The following LRRIQ1 variants were observed in gnomAD, a reference collection of about 807,000 sequenced individuals.
The protein encoded by LRRIQ1 is leucine rich repeats and IQ motif containing 1, also known as leucine-rich repeat- and IQ domain-containing protein 1.
In LRRIQ1, 210 loss-of-function variants were observed where a neutral mutation model predicts 211.9. That is an observed-to-expected ratio of 0.99 (90% CI 0.89 to 1.11). The LOEUF is 1.11. LRRIQ1 is among the 50% of genes most tolerant of loss of function. The probability of loss-of-function intolerance (pLI) is 0.00; values close to 1 mark genes in which losing one functional copy is unlikely to be tolerated. For synonymous variants in LRRIQ1, 699 were observed against 650.1 expected, an observed-to-expected ratio of 1.08 and a Z score of -1.14; for missense variants, 2,136 against 1,939.5, an observed-to-expected ratio of 1.10 and a Z score of -1.90.
chr12:85,044,744 AATC>A lies in LRRIQ1; in HGVS notation c.274_276del (p.His92del). 1 of 1,565,826 alleles carries A rather than the reference AATC, an allele frequency of 6.4e-7. No homozygotes were observed. On this transcript the variant is annotated inframe_deletion, in exon 4 of 27. Coordinates refer to ENST00000393217, the MANE Select transcript of LRRIQ1 (RefSeq NM_001079910.2). ...CTGTAGTTATGGAGCAGTTTCTAAT[AATC>A]ATATGCATTTAAGAACAGGACTATC...
At chr12:85,166,011 C>G (rs1891140413) in intron 24 of LRRIQ1, among the ~76,000 whole-genome samples, 1 of 152,040 alleles carries the variant, frequency 6.6e-6, no homozygotes, top group Non-Finnish European at 1.5e-5. Context: ...TTTGAGAAAT[C>G]TCCCACATTT....
At position 85,127,872 on chromosome 12, in the gene LRRIQ1, C is replaced by G; in HGVS notation, c.4048C>G (p.Leu1350Val). ...AATCCAGTCATACTGGCGTGGTTAC[C>G]TCATGCGCAGACAGACTCATTTCTC... ...VVIQSYWRGY[L>V]MRRQTHFSTR... Residue 1350 changes from leucine to valine, a missense_variant, in exon 18 of 27, where the codon CTC (leucine) becomes GTC (valine). Coordinates refer to ENST00000393217, the MANE Select transcript of LRRIQ1 (RefSeq NM_001079910.2). The G allele has an allele frequency of 6.2e-7, 1 of 1,613,888 alleles. No homozygotes were observed. The highest frequency in any genetic ancestry group is 1.1e-5 in the South Asian group (1 of 91,070).
chr12:85,154,305 C>T (rs542068327), intron 23 of LRRIQ1, among the ~76,000 whole-genome samples: 53 of 145,922 alleles, frequency 3.6e-4, no homozygotes, highest in African/African-American at 1.2e-3. Flanking sequence ...TTTACTTTTT[C>T]GGCTCTTTCT....
intron 11 of LRRIQ1, among the ~76,000 whole-genome samples, chr12:85,082,831 C>T (rs1291341811): frequency 2.0e-5 from 3 of 151,674 alleles, no homozygotes; most frequent in Non-Finnish European, 2.9e-5. Flanking sequence ...TTTTATTTGC[C>T]CTGGAACATA....
At chr12:85,123,592 G>T (rs1368127169) in intron 16 of LRRIQ1, among the ~76,000 whole-genome samples, 3 of 152,046 alleles carry the variant, frequency 2.0e-5, no homozygotes, top group African/African-American at 7.2e-5. Flanking sequence ...CTTTGCAATA[G>T]ATTATTATTT....
chr12:85,185,318 A>G (rs1014191061), intron 24 of LRRIQ1, among the ~76,000 whole-genome samples: 4 of 151,876 alleles, frequency 2.6e-5, no homozygotes, highest in African/African-American at 9.7e-5. Context: ...GTGTATATGT[A>G]TGTGTCTAAT....
intron 13 of LRRIQ1, among the ~76,000 whole-genome samples, chr12:85,103,046 C>G (rs1330551496): frequency 2.1e-5 from 3 of 144,440 alleles, no homozygotes; most frequent in Non-Finnish European, 4.5e-5. Context: ...CATTTAATTT[C>G]CAAATAGCTA....
At chr12:85,075,005 G>A in intron 11 of LRRIQ1, among the ~76,000 whole-genome samples, 1 of 151,406 alleles carries the variant, frequency 6.6e-6, no homozygotes, top group Non-Finnish European at 1.5e-5. Flanking sequence ...ATCCATATTT[G>A]AAAAAAGTTA....
intron 15 of LRRIQ1, among the ~76,000 whole-genome samples, chr12:85,110,973 A>G (rs966991776): frequency 6.6e-6 from 1 of 152,116 alleles, no homozygotes; most frequent in Non-Finnish European, 1.5e-5. Flanking sequence ...CATTTTAGAG[A>G]GGTATTTACA....
At position 85,106,567 on chromosome 12, in the gene LRRIQ1, A is replaced by G. The variant is rs753768157; in HGVS notation, c.3329A>G (p.His1110Arg). ...TGGTTTGATGCATGCTATTCTCTCCATGAATTGTCTCTTACTGGAAACCCA... is the reference window on the plus strand; with the variant it reads ...TGGTTTGATGCATGCTATTCTCTCCGTGAATTGTCTCTTACTGGAAACCCA... ...IKWFDACYSL[H>R]ELSLTGNPLL... The change falls in exon 15 of 27, where the codon CAT (histidine) becomes CGT (arginine). Residue 1110 changes from histidine (H) to arginine (R), a missense_variant. His to Arg is a conservative substitution (Grantham distance 29). Coordinates refer to ENST00000393217, the MANE Select transcript of LRRIQ1 (RefSeq NM_001079910.2). 1 of 1,612,720 alleles carries G rather than the reference A, an allele frequency of 6.2e-7. No homozygotes were observed. The highest frequency in any genetic ancestry group is 2.2e-5 in the East Asian group (1 of 44,730).
downstream of LRRIQ1, among the ~76,000 whole-genome samples, chr12:85,268,231 G>A (rs1896463673): frequency 6.6e-6 from 1 of 151,938 alleles, no homozygotes; most frequent in South Asian, 2.1e-4. Context: ...AGAACTCAAT[G>A]TTTCAAATAC....
At position 85,131,234 on chromosome 12, in the gene LRRIQ1, A is replaced by G. The variant is rs568965203; in HGVS notation, c.4209+3201A>G. On this transcript the variant is annotated intron_variant, in intron 18 of 26. Transcript: ENST00000393217. ...TCTCAAAAAAAAAAAAAAAATTTCA[A>G]TGGTAGATTTGTGCATATCACTTTC... is the stretch of plus-strand genomic sequence containing the variant. 1.1e-4 allele frequency among the ~76,000 whole-genome samples: 17 copies of G among 151,908 alleles called. 1 individual carries two copies. In the East Asian group the frequency reaches 2.7e-3, roughly 24 times the overall value.
At chr12:85,260,849 A>G (rs142230390) in intron 1 of LRRIQ1, among the ~76,000 whole-genome samples, 52 of 152,326 alleles carry the variant, frequency 3.4e-4, no homozygotes, top group Admixed American at 2.7e-3. Context: ...AAGTAGAAGG[A>G]GGATAGGTTT....
chr12:85,147,124 C>T (rs1174470701), intron 19 of LRRIQ1, among the ~76,000 whole-genome samples: 1 of 151,704 alleles, frequency 6.6e-6, no homozygotes, highest in Non-Finnish European at 1.5e-5. Flanking sequence ...TCAAATGGTA[C>T]AGAAAACTGA....
At chr12:85,192,219 C>T (rs909694791) in intron 24 of LRRIQ1, among the ~76,000 whole-genome samples, 4 of 150,522 alleles carry the variant, frequency 2.7e-5, no homozygotes, top group Admixed American at 2.0e-4. Flanking sequence ...CACCTGTACT[C>T]GATGTATAGC....
At chr12:85,108,912 T>A (rs1201199293) in intron 15 of LRRIQ1, among the ~76,000 whole-genome samples, 2 of 152,018 alleles carry the variant, frequency 1.3e-5, no homozygotes, top group African/African-American at 4.8e-5. Flanking sequence ...AGAGTTTAAA[T>A]CAAATCAGGA....
At chr12:85,092,465 C>T (rs1000439389) in intron 11 of LRRIQ1, among the ~76,000 whole-genome samples, 6 of 152,056 alleles carry the variant, frequency 3.9e-5, no homozygotes, top group Non-Finnish European at 7.4e-5. Flanking sequence ...CAAACATCAC[C>T]GGAGAGTTTA....
chr12:85,204,928 G>A (rs899809799), intron 24 of LRRIQ1, among the ~76,000 whole-genome samples: 2 of 152,070 alleles, frequency 1.3e-5, no homozygotes, highest in Non-Finnish European at 2.9e-5. Context: ...CAGGGGCTGG[G>A]GTGGAATGAT....
At chr12:85,091,598 G>T (rs192996483) in intron 11 of LRRIQ1, among the ~76,000 whole-genome samples, 2 of 152,136 alleles carry the variant, frequency 1.3e-5, no homozygotes, top group Non-Finnish European at 2.9e-5. Flanking sequence ...CCAGCATGGT[G>T]GTCCCTAGGT....
Sources: allele counts gnomAD v4.1 joint callset (sites outside exome capture counted in the v4.1 genomes callset), GRCh38; gene constraint gnomAD v4.1.1; transcripts MANE v1.5; gene names NCBI Gene and HGNC (gene_info 2026-07-23, HGNC 2026-07-21).